Variants in CACNA2D4 observed in about 807,000 individuals in gnomAD.
CACNA2D4 encodes the protein voltage-dependent calcium channel subunit alpha-2/delta-4.
Under a neutral mutation model 163.8 loss-of-function variants are expected in CACNA2D4, and 157 were observed. That is an observed-to-expected ratio of 0.96 (90% CI 0.84 to 1.09). CACNA2D4 has a LOEUF of 1.09. CACNA2D4 is among the 50% of genes least tolerant of loss of function. CACNA2D4 has a pLI of 0.00. For synonymous variants in CACNA2D4, 598 were observed against 586.9 expected (o/e 1.02, Z -0.27); for missense variants, 1,410 against 1,479.9 (o/e 0.95, Z 0.78).
chr12:1,914,557 C>G (rs184674208), intron 2 of CACNA2D4, among the ~76,000 whole-genome samples: 2 of 152,162 alleles, frequency 1.3e-5, no homozygotes, highest in African/African-American at 2.4e-5. Context: ...CCACTCCCTC[C>G]GTCTCTCCTT....
At chr12:1,871,234 CAT>C (rs759086053) in intron 18 of CACNA2D4, among the ~76,000 whole-genome samples, 20 of 143,458 alleles carry the variant, frequency 1.4e-4, no homozygotes, top group Non-Finnish European at 2.6e-4. Flanking sequence ...TGTGTGTACA[CAT>C]GTGCTGCTGG....
At chr12:1,819,561 G>A (rs1266616065) in intron 26 of CACNA2D4, among the ~76,000 whole-genome samples, 1 of 152,132 alleles carries the variant, frequency 6.6e-6, no homozygotes, top group Non-Finnish European at 1.5e-5. Flanking sequence ...GGCAGTGGAC[G>A]CAAAGGAAGG....
chr12:1,810,242 C>G, intron 29 of CACNA2D4, 36 bp downstream of exon 29: 1 of 1,561,260 alleles, frequency 6.4e-7, no homozygotes, highest in Non-Finnish European at 8.8e-7. Flanking sequence ...CCTCCTGCCG[C>G]CCTCTCCCCC....
At chr12:1,850,005 A>G (rs74710271) in intron 23 of CACNA2D4, among the ~76,000 whole-genome samples, 112 of 152,210 alleles carry the variant, frequency 7.4e-4, no homozygotes, top group African/African-American at 2.3e-3. Flanking sequence ...CCAATCTTCT[A>G]TTGTTATTAA....
chr12:1,826,984 G>T (rs1032539245), intron 26 of CACNA2D4, among the ~76,000 whole-genome samples: 6 of 152,236 alleles, frequency 3.9e-5, no homozygotes, highest in African/African-American at 1.4e-4. Context: ...TGGGGGCAGG[G>T]AGAGGGAGGC....
At chr12:1,863,908 A>AAT (rs1555183366) in intron 18 of CACNA2D4, among the ~76,000 whole-genome samples, 4,347 of 152,036 alleles carry the variant, frequency 0.029, 174 homozygotes, top group African/African-American at 0.091. Flanking sequence ...AAAAAAAAAA[A>AAT]AATAATAACA....
chr12:1,893,310 G>A (rs1404691237), intron 6 of CACNA2D4, among the ~76,000 whole-genome samples: 10 of 152,124 alleles, frequency 6.6e-5, no homozygotes, highest in Non-Finnish European at 1.5e-5. Context: ...GAGGTCAGGA[G>A]TTGAAGATCA....
At chr12:1,801,191 C>T in intron 30 of CACNA2D4, 73 bp from the exon 31 acceptor site, 1 of 1,260,322 alleles carries the variant, frequency 7.9e-7, no homozygotes, top group South Asian at 1.2e-5. Flanking sequence ...GGAGGCTTTA[C>T]TAGCAGAGCA....
intron 6 of CACNA2D4, among the ~76,000 whole-genome samples, chr12:1,900,680 C>T (rs1479932440): frequency 2.0e-5 from 3 of 152,162 alleles, no homozygotes; most frequent in Admixed American, 1.3e-4. Flanking sequence ...ATGCACCCCA[C>T]ACTGGAGCAC....
Position 1,797,212 on chromosome 12 carries a change from C to A in CACNA2D4, c.3113+206G>T, listed in dbSNP as rs151314225. On this transcript the variant is annotated intron_variant, in intron 35 of 37. Coordinates refer to ENST00000382722, the MANE Select transcript of CACNA2D4 (RefSeq NM_172364.5). ...TGTCCCGGTCCCCAGCCGTCCTGCC[C>A]GCCTCAGACCGTCCGCCTCCTGCGT... 7.9e-3 allele frequency among the ~76,000 whole-genome samples: 1,200 copies of A among 152,358 alleles called. 9 individuals carry two copies. The highest frequency in any genetic ancestry group is 0.024 in the Middle Eastern group (7 of 294).
intron 26 of CACNA2D4, among the ~76,000 whole-genome samples, chr12:1,813,327 C>T (rs894462289): frequency 6.6e-6 from 1 of 151,996 alleles, no homozygotes; most frequent in Non-Finnish European, 1.5e-5. Flanking sequence ...TGAAGTGTTC[C>T]CAGGGGTTGC....
chr12:1,821,116 C>T (rs953951827), intron 26 of CACNA2D4, among the ~76,000 whole-genome samples: 3 of 152,208 alleles, frequency 2.0e-5, no homozygotes, highest in African/African-American at 4.8e-5. Flanking sequence ...GCATAGAAAC[C>T]GGTCCCTGCA....
intron 26 of CACNA2D4, among the ~76,000 whole-genome samples, chr12:1,821,526 G>A (rs1864101206): frequency 3.9e-5 from 6 of 152,208 alleles, no homozygotes; most frequent in Admixed American, 3.9e-4. Flanking sequence ...CCAGGCCCGC[G>A]AGAACCTGCT....
At chr12:1,868,590 A>G (rs1865704682) in intron 18 of CACNA2D4, among the ~76,000 whole-genome samples, 2 of 151,902 alleles carry the variant, frequency 1.3e-5, no homozygotes, top group African/African-American at 4.8e-5. Context: ...TGTATTGTAC[A>G]CTGGAAACTG....
intron 5 of CACNA2D4, 106 bp downstream of exon 5, chr12:1,907,769 G>C: frequency 1.5e-6 from 2 of 1,339,450 alleles, no homozygotes; most frequent in Non-Finnish European, 2.1e-6. Flanking sequence ...TGTCTGGTGG[G>C]CCAGCCTGGT....
chr12:1,901,273 A>G (rs1447898783), intron 6 of CACNA2D4, among the ~76,000 whole-genome samples: 1 of 152,106 alleles, frequency 6.6e-6, no homozygotes. Flanking sequence ...TAATCTAACA[A>G]TACATCTTGA....
At chr12:1,796,210 C>G (rs1001748461) in intron 35 of CACNA2D4, among the ~76,000 whole-genome samples, 32 of 152,318 alleles carry the variant, frequency 2.1e-4, no homozygotes, top group African/African-American at 6.3e-4. Context: ...AGTGGCCCCG[C>G]GCTCGGCGAG....
chr12:1,795,611 A>G (rs1592643800), intron 36 of CACNA2D4, 57 bp downstream of exon 36: 19 of 1,247,646 alleles, frequency 1.5e-5, no homozygotes, highest in East Asian at 2.3e-5. Flanking sequence ...TGAGCCCTAC[A>G]GACACCTCCT....
At chr12:1,824,713 C>T (rs1016707994) in intron 26 of CACNA2D4, among the ~76,000 whole-genome samples, 3 of 152,206 alleles carry the variant, frequency 2.0e-5, no homozygotes. Flanking sequence ...TCCAAGCTTC[C>T]CAATGTAGGT....
Sources: allele counts gnomAD v4.1 joint callset (sites outside exome capture counted in the v4.1 genomes callset), GRCh38; gene constraint gnomAD v4.1.1; transcripts MANE v1.5; gene names NCBI Gene and HGNC (gene_info 2026-07-23, HGNC 2026-07-21).